ZC3H4: variants seen among roughly 807,000 people sequenced by gnomAD.
ZC3H4 encodes the protein zinc finger CCCH-type containing 4.
Under a neutral mutation model 108.3 loss-of-function variants are expected in ZC3H4, and 13 were observed. That is an observed-to-expected ratio of 0.12 (90% confidence interval 0.08 to 0.19). The LOEUF is 0.19. ZC3H4 is among the 10% of genes least tolerant of loss of function. The pLI, the probability that ZC3H4 is intolerant of heterozygous loss-of-function variation, is 1.00. For synonymous variants in ZC3H4, 917 were observed against 749.6 expected (o/e 1.22, Z -3.65); for missense variants, 1,734 against 1,838.8 (o/e 0.94, Z 1.04).
In ZC3H4 at chr19:47,065,905, A is replaced by G. The variant is rs1568521793; in HGVS notation, c.*451T>C. On this transcript the variant is annotated 3_prime_UTR_variant, in exon 15 of 15. Coordinates refer to ENST00000253048, the MANE Select transcript of ZC3H4 (RefSeq NM_015168.2). ...GACCTGCTTCCACGCAGGCCCTGCC[A>G]TGGTCTTGGTTCCGGGTCTCTTCGG... is the stretch of plus-strand genomic sequence containing the variant. The G allele has an allele frequency of 6.4e-6, 1 of 155,294 alleles. No homozygotes were observed. The highest frequency in any genetic ancestry group is 1.4e-5 in the Non-Finnish European group (1 of 70,366). 9.6% of individuals were successfully genotyped at this position (155,294 alleles called of 1,614,324 possible).
intron 1 of ZC3H4, among the ~76,000 whole-genome samples, chr19:47,113,023 G>C (rs1269387652): frequency 2.6e-5 from 4 of 152,226 alleles, no homozygotes; most frequent in South Asian, 4.1e-4. Context: ...GAGAGGGAAC[G>C]GGCCGCGGAG....
intron 2 of ZC3H4, among the ~76,000 whole-genome samples, chr19:47,111,426 TCTC>T (rs530496927): frequency 5.2e-4 from 79 of 152,110 alleles, no homozygotes; most frequent in African/African-American, 1.8e-3. Flanking sequence ...CACAAGGAAA[TCTC>T]CTTTTCTCTC....
Position 47,064,737 on chromosome 19 carries a change from A to AAAGAC in ZC3H4, c.*1618_*1619insGTCTT, listed in dbSNP as rs925311037. 2.0e-5 allele frequency: 3 copies of AAAGAC among 151,250 alleles called. No homozygotes were observed. The highest frequency in any genetic ancestry group is 4.4e-5 in the Non-Finnish European group (3 of 67,756). The allele number at this position is 151,250 out of a possible 1,614,324, so 9.4% of individuals were successfully genotyped here. On this transcript the variant is annotated 3_prime_UTR_variant, in exon 15 of 15. Coordinates refer to ENST00000253048, the MANE Select transcript of ZC3H4 (RefSeq NM_015168.2). ...ATGATTGTGTAAAAAAAAAAAAAAA[A>AAAGAC]AAAAAGACAAAAAGACAAACCAACC... is the stretch of plus-strand genomic sequence containing the variant.
chr19:47,106,462 G>GA (rs1302399749), intron 2 of ZC3H4, among the ~76,000 whole-genome samples: 1 of 152,130 alleles, frequency 6.6e-6, no homozygotes, highest in Non-Finnish European at 1.5e-5. Flanking sequence ...CAATAAAAGA[G>GA]AAAAAACAAA....
chr19:47,070,988 C>T (rs879449162), intron 13 of ZC3H4, among the ~76,000 whole-genome samples: 4 of 152,014 alleles, frequency 2.6e-5, no homozygotes, highest in African/African-American at 9.7e-5. Context: ...CCCAGTTCAA[C>T]ACAGCGCCCC....
At position 47,066,698 on chromosome 19, in the gene ZC3H4, G is replaced by A. The variant is rs542023224; in HGVS notation, c.3570C>T (p.Phe1190=). The change falls in exon 15 of 15, where the codon TTC becomes TTT. Residue 1190 remains phenylalanine (F), a synonymous_variant. Coordinates refer to ENST00000253048, the MANE Select transcript of ZC3H4 (RefSeq NM_015168.2). The part of the protein sequence containing the change: ...SSASKAKEPP[F]VRKSALEQPE... Reference sequence around the variant, plus strand: ...GCTGTTCCAGGGCAGACTTGCGGACGAACGGGGGCTCCTTAGCCTTGGAGG... The same window carrying A: ...GCTGTTCCAGGGCAGACTTGCGGACAAACGGGGGCTCCTTAGCCTTGGAGG... 239 of 1,609,756 alleles carry A rather than the reference G, an allele frequency of 1.5e-4. No homozygotes were observed. The highest frequency in any genetic ancestry group is 4.5e-4 in the African/African-American group (34 of 75,052).
Position 47,067,260 on chromosome 19 carries a change from T to G in ZC3H4, c.3008A>C (p.Gln1003Pro), listed in dbSNP as rs778631241. 1 of 1,593,620 alleles carries G rather than the reference T, an allele frequency of 6.3e-7. No homozygotes were observed. The highest frequency in any genetic ancestry group is 8.5e-7 in the Non-Finnish European group (1 of 1,169,942). Residue 1003 changes from glutamine (Q) to proline (P), a missense_variant, in exon 15 of 15, where the codon CAA becomes CCA. By Grantham distance (76) the Gln-to-Pro change is moderately conservative. Around this residue, in one of 9 missense-constraint regions of ZC3H4, gnomAD observed 518 missense variants for 499.6 expected, o/e 1.04. Coordinates refer to ENST00000253048, the MANE Select transcript of ZC3H4 (RefSeq NM_015168.2). This position sits in a 1 kb window ranked among gnomAD's most constrained non-coding sequence, Gnocchi z 6.4. The part of the protein sequence containing the change: ...DAVPPVPAAL[Q>P]SMPTLDPRLH... ...CCGGGGGTCCAGGGTGGGCATGGAT[T>G]GCAGGGCCGCGGGCACGGGGGGCAC...
intron 5 of ZC3H4, 101 bp from the exon 6 acceptor site, chr19:47,086,639 G>A (rs549810797): frequency 1.2e-5 from 17 of 1,431,510 alleles, no homozygotes; most frequent in Middle Eastern, 2.4e-4. Flanking sequence ...CACTTCAGCT[G>A]CCTCCTCCTC....
chr19:47,073,660 C>T (rs2057368044), intron 11 of ZC3H4, among the ~76,000 whole-genome samples: 1 of 152,164 alleles, frequency 6.6e-6, no homozygotes, highest in African/African-American at 2.4e-5. Context: ...ATAGTTCCAG[C>T]ACATTTTCAT....
At chr19:47,086,012 C>T (rs1600058222) in intron 6 of ZC3H4, among the ~76,000 whole-genome samples, 1 of 152,136 alleles carries the variant, frequency 6.6e-6, no homozygotes, top group South Asian at 2.1e-4. Context: ...GGACTACAGG[C>T]GCGTGCTACC....
At chr19:47,110,372 T>C (rs1437657183) in intron 2 of ZC3H4, among the ~76,000 whole-genome samples, 1 of 152,226 alleles carries the variant, frequency 6.6e-6, no homozygotes, top group East Asian at 1.9e-4. Flanking sequence ...GCCAAGGGTC[T>C]GAAAACATAC....
intron 5 of ZC3H4, among the ~76,000 whole-genome samples, chr19:47,088,156 G>C (rs1013833737): frequency 1.3e-5 from 2 of 152,156 alleles, no homozygotes; most frequent in Non-Finnish European, 2.9e-5. Flanking sequence ...CTGGGCAACA[G>C]AGCGAGACTC....
intron 2 of ZC3H4, among the ~76,000 whole-genome samples, chr19:47,096,036 C>G (rs904060510): frequency 2.6e-5 from 4 of 152,202 alleles, no homozygotes; most frequent in African/African-American, 9.6e-5. Context: ...CCTCCCAGGA[C>G]CCTCCACTGT....
chr19:47,092,419 G>A (rs1717873995), intron 4 of ZC3H4, among the ~76,000 whole-genome samples: 1 of 152,190 alleles, frequency 6.6e-6, no homozygotes, highest in African/African-American at 2.4e-5. Context: ...TACACCAGTA[G>A]ATCAATCTCA....
chr19:47,086,287 T>A, intron 6 of ZC3H4, 97 bp downstream of exon 6: 1 of 1,445,902 alleles, frequency 6.9e-7, no homozygotes, highest in Non-Finnish European at 9.5e-7. Flanking sequence ...GCCGTATGTC[T>A]TCCTACCTTG....
intron 7 of ZC3H4, 33 bp from the exon 8 acceptor site, chr19:47,085,228 ACCACCCCCTCCC>A (rs1170450495): frequency 1.2e-5 from 19 of 1,582,426 alleles, no homozygotes; most frequent in Non-Finnish European, 1.6e-5. Flanking sequence ...AGACCTGCTG[ACCACCCCCTCCC>A]CCACCCCCAG....
chr19:47,094,743 G>C, intron 2 of ZC3H4, 135 bp from the exon 3 acceptor site: 2 of 813,360 alleles, frequency 2.5e-6, no homozygotes, highest in Non-Finnish European at 3.9e-6. Context: ...AGGACATGGG[G>C]GCCATGGCCT....
chr19:47,088,438 C>A (rs900204916), intron 5 of ZC3H4, among the ~76,000 whole-genome samples: 16 of 151,864 alleles, frequency 1.1e-4, no homozygotes, highest in African/African-American at 3.9e-4. Flanking sequence ...ATCCCAGCTA[C>A]TTGGGAGGCT....
chr19:47,085,691 C>T (rs1183289753), intron 6 of ZC3H4, among the ~76,000 whole-genome samples: 4 of 152,058 alleles, frequency 2.6e-5, no homozygotes, highest in African/African-American at 4.8e-5. Context: ...TGTGGACTGG[C>T]GTGGAAGGTC....
Sources: gnomAD v4.1 joint callset for allele counts (sites outside exome capture counted in the v4.1 genomes callset) on GRCh38, gnomAD v4.1.1 for gene constraint, gnomAD v4.1.1 regional missense constraint, Gnocchi (gnomAD v3.1) non-coding constraint, MANE v1.5 for transcripts, NCBI Gene and HGNC (gene_info 2026-07-23, HGNC 2026-07-21) for gene names.